TRPM1: variants seen among roughly 807,000 people sequenced by gnomAD.
TRPM1 encodes TRPM1-203 APA Isoform, Intron 10.
A neutral mutation model predicts 149.4 loss-of-function variants in TRPM1; 113 were observed. The ratio of observed to expected loss-of-function variants is 0.76; its 90% confidence interval spans 0.65 to 0.88. The LOEUF (loss-of-function observed/expected upper bound fraction) is 0.88, where lower values mean the gene tolerates loss of function less well. Ranked by LOEUF, TRPM1 falls within the 40% of genes least tolerant of loss-of-function variation. TRPM1 has a pLI of 0.00. For missense variants in TRPM1, 1,976 were observed against 2,038.7 expected, an observed-to-expected ratio of 0.97 and a Z score of 0.59; for synonymous variants, 741 against 759.5, an observed-to-expected ratio of 0.98 and a Z score of 0.40.
intron 1 of TRPM1, among the ~76,000 whole-genome samples, chr15:31,133,001 AT>A (rs1475811397): frequency 6.6e-6 from 1 of 152,194 alleles, no homozygotes; most frequent in Admixed American, 6.5e-5. Context: ...GGATGTCTTT[AT>A]TAGCAGCGTG....
chr15:31,140,212 C>CAA (rs34651089), intron 1 of TRPM1, among the ~76,000 whole-genome samples: 4,899 of 103,112 alleles, frequency 0.048, 112 homozygotes, highest in South Asian at 0.061. Context: ...ACTAAAAATA[C>CAA]AAAAAAAAAA....
At chr15:31,136,072 G>A (rs559889808) in intron 1 of TRPM1, among the ~76,000 whole-genome samples, 22 of 152,140 alleles carry the variant, frequency 1.4e-4, no homozygotes, top group African/African-American at 2.6e-4. Flanking sequence ...GTGTATAGGC[G>A]TTTTGGTCTG....
At chr15:31,020,413 T>C (rs1202384355) in intron 27 of TRPM1, among the ~76,000 whole-genome samples, 2 of 152,254 alleles carry the variant, frequency 1.3e-5, no homozygotes, top group African/African-American at 2.4e-5. Flanking sequence ...TCAGCATCCA[T>C]GCCGTATGTA....
chr15:31,015,912 G>T (rs1046231011), intron 27 of TRPM1, among the ~76,000 whole-genome samples: 1 of 151,924 alleles, frequency 6.6e-6, no homozygotes, highest in Non-Finnish European at 1.5e-5. Context: ...ATTTCCTCAA[G>T]GACCCTTTGC....
At chr15:31,045,576 T>C (rs973373157) in intron 16 of TRPM1, among the ~76,000 whole-genome samples, 1 of 152,212 alleles carries the variant, frequency 6.6e-6, no homozygotes, top group Non-Finnish European at 1.5e-5. Context: ...ATGACGCCAA[T>C]GATATTGGGC....
chr15:31,148,032 G>A (rs1395788333), intron 1 of TRPM1, among the ~76,000 whole-genome samples: 1 of 152,182 alleles, frequency 6.6e-6, no homozygotes. Flanking sequence ...AAAAATGTCA[G>A]CAGAGGCTGC....
At chr15:31,131,362 T>C (rs2036013843) in intron 1 of TRPM1, among the ~76,000 whole-genome samples, 1 of 151,838 alleles carries the variant, frequency 6.6e-6, no homozygotes, top group African/African-American at 2.4e-5. Flanking sequence ...AGTCCTCAAC[T>C]GAAGGGAAAA....
At chr15:31,036,995 T>A (rs1483316598) in intron 20 of TRPM1, among the ~76,000 whole-genome samples, 2 of 152,202 alleles carry the variant, frequency 1.3e-5, no homozygotes, top group Non-Finnish European at 2.9e-5. Context: ...GGGCTGTGGC[T>A]TGATGCTTGG....
intron 6 of TRPM1, among the ~76,000 whole-genome samples, chr15:31,066,475 C>T (rs1395506979): frequency 2.0e-5 from 3 of 152,168 alleles, no homozygotes. Context: ...GCATTTATCA[C>T]AGAGAAATGA....
intron 1 of TRPM1, among the ~76,000 whole-genome samples, chr15:31,113,170 C>T (rs2035721017): frequency 6.6e-6 from 1 of 152,146 alleles, no homozygotes; most frequent in African/African-American, 2.4e-5. Context: ...CTTCAAAACT[C>T]ACCACGGCCC....
chr15:31,016,273 A>G (rs1220879855), intron 27 of TRPM1, among the ~76,000 whole-genome samples: 1 of 152,252 alleles, frequency 6.6e-6, no homozygotes, highest in Non-Finnish European at 1.5e-5. Flanking sequence ...AATAACTTAT[A>G]ACTATGTTTT....
At chr15:31,033,092 G>T in intron 21 of TRPM1, 152 bp from the exon 22 acceptor site, 3 of 1,038,210 alleles carry the variant, frequency 2.9e-6, no homozygotes, top group Non-Finnish European at 4.3e-6. Flanking sequence ...CAGGCAGGGA[G>T]AGATATCTAG....
At chr15:31,088,518 A>G (rs1391705203) in intron 1 of TRPM1, among the ~76,000 whole-genome samples, 2 of 152,302 alleles carry the variant, frequency 1.3e-5, no homozygotes, top group South Asian at 2.1e-4. Flanking sequence ...GCAACTCTGG[A>G]TGCGCCACCT....
chr15:31,066,137 G>A lies in TRPM1; in HGVS notation c.729C>T (p.Gly243=), dbSNP rs188427342. 3.3e-4 allele frequency: 533 copies of A among 1,614,184 alleles called. 6 individuals carry two copies. The East Asian group carries it at 0.01, about 30-fold the overall frequency. The change falls in exon 7 of 28, where the codon GGC becomes GGT. Residue 243 remains glycine (G), a synonymous_variant. Transcript: ENST00000256552. ...LADNGTLGKY[G]AEVKLRRLLE... ...GCAGCCTTCGCAGCTTCACCTCGGC[G>A]CCATACTTGCCCAGGGTGCCATTGT...
intron 1 of TRPM1, among the ~76,000 whole-genome samples, chr15:31,093,810 C>G (rs2035305261): frequency 6.6e-6 from 1 of 152,010 alleles, no homozygotes; most frequent in Non-Finnish European, 1.5e-5. Flanking sequence ...ACCATGTTGG[C>G]CAGGCTGGCC....
At chr15:31,042,761 G>C (rs2033660849) in intron 16 of TRPM1, among the ~76,000 whole-genome samples, 2 of 152,188 alleles carry the variant, frequency 1.3e-5, no homozygotes, top group Admixed American at 1.3e-4. Flanking sequence ...TCCTCTTTTA[G>C]TGAGCACTGT....
chr15:31,038,085 T>C lies in TRPM1; in HGVS notation c.2398A>G (p.Lys800Glu), dbSNP rs770303105. The stretch of plus-strand genomic sequence containing the variant: ...TTTTCTTTGCCATCCTCATTTTCCT[T>C]GGATGTTTGATACGAGAAATCATCA... ...TYDDFSYQTS[K>E]ENEDGKEKEE... The change falls in exon 19 of 28, where the codon AAG becomes GAG. Residue 800 changes from lysine (K) to glutamate (E), a missense_variant. Transcript: ENST00000256552. 5.0e-6 allele frequency: 8 copies of C among 1,614,212 alleles called. No homozygotes were observed. Among genetic ancestry groups the C allele is most frequent in the Admixed American group, 1.7e-5 (1 of 60,034 alleles).
At chr15:31,105,733 A>G (rs183552167), upstream of TRPM1, among the ~76,000 whole-genome samples, 4 of 152,286 alleles carry the variant, frequency 2.6e-5, no homozygotes, top group East Asian at 5.8e-4. Flanking sequence ...TTCACCTTGC[A>G]TATGTCCTAT....
intron 2 of TRPM1, among the ~76,000 whole-genome samples, chr15:31,077,564 T>G (rs980993026): frequency 2.6e-5 from 4 of 151,940 alleles, no homozygotes; most frequent in Non-Finnish European, 5.9e-5. Context: ...CAGAGAGAGC[T>G]GGGGAGAGCC....
Sources: gnomAD v4.1 joint callset for allele counts (sites outside exome capture counted in the v4.1 genomes callset) on GRCh38, gnomAD v4.1.1 for gene constraint, MANE v1.5 for transcripts, NCBI Gene and HGNC (gene_info 2026-07-23, HGNC 2026-07-21) for gene names.